NRXN1: variants seen among roughly 807,000 people sequenced by gnomAD.
NRXN1 encodes the protein neurexin-1.
A neutral mutation model predicts 150.9 loss-of-function variants in NRXN1; 39 were observed. The observed-to-expected ratio is 0.26, with a 90% confidence interval of 0.20 to 0.34. The LOEUF is 0.34. Among genes scored for constraint, NRXN1 ranks in the 10% least tolerant of loss-of-function variants. The pLI, the probability that NRXN1 is intolerant of heterozygous loss-of-function variation, is 1.00. For synonymous variants in NRXN1, 924 were observed against 757.0 expected (o/e 1.22, Z -3.62); for missense variants, 1,815 against 1,949.9 (o/e 0.93, Z 1.30).
chr2:50,855,432 C>G (rs1675130747), intron 5 of NRXN1, among the ~76,000 whole-genome samples: 1 of 151,988 alleles, frequency 6.6e-6, no homozygotes, highest in South Asian at 2.1e-4. Flanking sequence ...AGGTCAATTA[C>G]AACTAAAATT....
At chr2:50,670,693 T>C (rs978532228) in intron 5 of NRXN1, among the ~76,000 whole-genome samples, 2 of 151,948 alleles carry the variant, frequency 1.3e-5, no homozygotes, top group African/African-American at 2.4e-5. Context: ...GTCTCCCTAA[T>C]TCCCTTGGTG....
chr2:50,468,488 T>C (rs1289855015), intron 16 of NRXN1, among the ~76,000 whole-genome samples: 3 of 151,642 alleles, frequency 2.0e-5, no homozygotes, highest in African/African-American at 7.2e-5. Flanking sequence ...GAGCCTTAAA[T>C]TTATTTTTCT....
Position 50,517,647 on chromosome 2 carries a change from A to T in NRXN1, c.2374+10978T>A, listed in dbSNP as rs116317919. Among the ~76,000 whole-genome samples the T allele has an allele frequency of 4.5e-3, 688 of 152,260 alleles. 12 individuals carry two copies. Among genetic ancestry groups the T allele is most frequent in the African/African-American group, 0.016 (671 of 41,574 alleles). On this transcript the variant is annotated intron_variant, in intron 12 of 22. Transcript: ENST00000401669. ...TTGGACAGCTTTTTCGCTCAGTTAC[A>T]TTGAAAATAAACTTCATGATGCATA...
chr2:50,223,562 C>A (rs938003334), intron 18 of NRXN1, among the ~76,000 whole-genome samples: 1 of 151,906 alleles, frequency 6.6e-6, no homozygotes, highest in Non-Finnish European at 1.5e-5. Context: ...CGTAATAGGG[C>A]TAAAATTTCA....
chr2:50,954,761 A>G (rs1303632648), intron 2 of NRXN1, among the ~76,000 whole-genome samples: 1 of 152,234 alleles, frequency 6.6e-6, no homozygotes, highest in African/African-American at 2.4e-5. Context: ...TGGAGTTTCT[A>G]TGAATTAGGT....
At chr2:50,204,808 A>G (rs2062445336) in intron 18 of NRXN1, among the ~76,000 whole-genome samples, 1 of 152,046 alleles carries the variant, frequency 6.6e-6, no homozygotes, top group Non-Finnish European at 1.5e-5. Context: ...AATTACATAA[A>G]TGTTTTCTGG....
chr2:50,486,280 A>C (rs1347951530), intron 15 of NRXN1, among the ~76,000 whole-genome samples: 1 of 152,210 alleles, frequency 6.6e-6, no homozygotes, highest in African/African-American at 2.4e-5. Context: ...GATGGTGACA[A>C]TAACGAAGGT....
intron 5 of NRXN1, among the ~76,000 whole-genome samples, chr2:50,659,736 T>C (rs533338130): frequency 2.6e-4 from 40 of 151,758 alleles, no homozygotes; most frequent in African/African-American, 9.6e-4. Context: ...TTTTTCTTTT[T>C]TTTTTTTCCC....
At chr2:50,306,263 G>C (rs1054920734) in intron 17 of NRXN1, among the ~76,000 whole-genome samples, 2 of 152,132 alleles carry the variant, frequency 1.3e-5, no homozygotes, top group Non-Finnish European at 2.9e-5. Context: ...TTCTTTTTAA[G>C]TCACTATGGT....
At chr2:50,521,796 G>C (rs1449419065) in intron 12 of NRXN1, among the ~76,000 whole-genome samples, 1 of 152,136 alleles carries the variant, frequency 6.6e-6, no homozygotes, top group African/African-American at 2.4e-5. Context: ...AGTGTATCAT[G>C]TGGCCTCTAT....
intron 5 of NRXN1, among the ~76,000 whole-genome samples, chr2:50,742,915 C>T (rs1167053220): frequency 6.6e-6 from 1 of 152,062 alleles, no homozygotes; most frequent in African/African-American, 2.4e-5. Context: ...AGTAGATAGA[C>T]CCAAAATCAT....
chr2:50,807,255 T>G (rs913927381), intron 5 of NRXN1, among the ~76,000 whole-genome samples: 2 of 152,110 alleles, frequency 1.3e-5, no homozygotes, highest in African/African-American at 4.8e-5. Flanking sequence ...AACTATAACC[T>G]TCATAATTAT....
intron 15 of NRXN1, among the ~76,000 whole-genome samples, chr2:50,488,066 T>C (rs13411836): frequency 0.021 from 3,269 of 152,318 alleles, 123 homozygotes; most frequent in African/African-American, 0.074. Flanking sequence ...CCTAGTATTC[T>C]ATCACCTTGA....
chr2:50,747,299 G>T (rs890660253), intron 5 of NRXN1, among the ~76,000 whole-genome samples: 1 of 152,214 alleles, frequency 6.6e-6, no homozygotes, highest in South Asian at 2.1e-4. Flanking sequence ...TTCTTGACCC[G>T]TGAGACAGGA....
chr2:50,851,263 A>G (rs937600315), intron 5 of NRXN1, among the ~76,000 whole-genome samples: 2 of 152,112 alleles, frequency 1.3e-5, no homozygotes, highest in African/African-American at 4.8e-5. Context: ...GGGTGACGGG[A>G]TAAGACTGGT....
chr2:50,477,087 C>T (rs1261390663), intron 15 of NRXN1, among the ~76,000 whole-genome samples: 1 of 151,958 alleles, frequency 6.6e-6, no homozygotes, highest in Non-Finnish European at 1.5e-5. Context: ...ACACAGGGAA[C>T]AGCACAATTG....
chr2:50,180,779 G>A (rs779664834), intron 18 of NRXN1, among the ~76,000 whole-genome samples: 2 of 152,008 alleles, frequency 1.3e-5, no homozygotes, highest in Non-Finnish European at 2.9e-5. Flanking sequence ...CTGGTTTTAG[G>A]TATTCTGTTA....
At chr2:50,207,373 A>G (rs976356872) in intron 18 of NRXN1, among the ~76,000 whole-genome samples, 16 of 152,132 alleles carry the variant, frequency 1.1e-4, no homozygotes, top group Non-Finnish European at 2.2e-4. Context: ...CCTCTTGAAT[A>G]ATCCCTTGTG....
At chr2:50,036,980 AT>A (rs1442216464) in intron 21 of NRXN1, among the ~76,000 whole-genome samples, 10 of 152,202 alleles carry the variant, frequency 6.6e-5, no homozygotes, top group Non-Finnish European at 1.2e-4. Flanking sequence ...GAACCACAGA[AT>A]TATGAGCTAA....
Sources: allele counts gnomAD v4.1 joint callset (sites outside exome capture counted in the v4.1 genomes callset), GRCh38; gene constraint gnomAD v4.1.1; transcripts MANE v1.5; gene names NCBI Gene and HGNC (gene_info 2026-07-23, HGNC 2026-07-21).